Variants in LRRIQ3 observed in about 807,000 individuals in gnomAD.
LRRIQ3 encodes the protein leucine-rich repeat and IQ domain-containing protein 3.
In LRRIQ3, 75 loss-of-function variants were observed where a neutral mutation model predicts 59.3. That is an observed-to-expected ratio of 1.26 (90% CI 1.05 to 1.53). The LOEUF (loss-of-function observed/expected upper bound fraction) is 1.53. Among genes scored for constraint, LRRIQ3 ranks in the 40% most tolerant of loss-of-function variants. The probability of loss-of-function intolerance (pLI) is 0.00; values close to 1 mark genes in which losing one functional copy is unlikely to be tolerated. For missense variants in LRRIQ3, 831 were observed against 710.0 expected (o/e 1.17, Z -1.94); for synonymous variants, 250 against 231.3 (o/e 1.08, Z -0.73).
chr1:74,049,687 T>C (rs1192633423), intron 6 of LRRIQ3, among the ~76,000 whole-genome samples: 1 of 152,176 alleles, frequency 6.6e-6, no homozygotes, highest in Non-Finnish European at 1.5e-5. Context: ...TATTACTGTT[T>C]TGCAGTTCAT....
intron 4 of LRRIQ3, among the ~76,000 whole-genome samples, chr1:74,111,149 G>A (rs1289356393): frequency 1.3e-5 from 2 of 151,772 alleles, no homozygotes; most frequent in African/African-American, 4.8e-5. Flanking sequence ...AGAAAAGAAT[G>A]GATGTTAAAG....
intron 5 of LRRIQ3, among the ~76,000 whole-genome samples, chr1:74,102,497 T>C (rs947202285): frequency 6.6e-6 from 1 of 152,010 alleles, no homozygotes; most frequent in Non-Finnish European, 1.5e-5. Flanking sequence ...TATGAAAAAG[T>C]TGAAACTCCT....
chr1:74,148,621 C>T (rs987129843), intron 4 of LRRIQ3, among the ~76,000 whole-genome samples: 2 of 152,202 alleles, frequency 1.3e-5, no homozygotes, highest in African/African-American at 4.8e-5. Flanking sequence ...GAGGAACCTT[C>T]ACTTGTTCAG....
chr1:74,182,001 A>T (rs753055473), intron 3 of LRRIQ3: 1 of 151,810 alleles, frequency 6.6e-6, no homozygotes, highest in Non-Finnish European at 1.5e-5. Flanking sequence ...TCTAATATTT[A>T]TTCATGTGTT....
intron 6 of LRRIQ3, among the ~76,000 whole-genome samples, chr1:74,055,180 TTATATATATATATA>T (rs57279520): frequency 1.4e-4 from 19 of 139,962 alleles, no homozygotes; most frequent in Admixed American, 2.9e-4. Context: ...CATATACACT[TTATATATATATATA>T]TATATATATA....
chr1:74,073,348 C>CA, intron 6 of LRRIQ3, among the ~76,000 whole-genome samples: 2 of 152,048 alleles, frequency 1.3e-5, no homozygotes, highest in Admixed American at 1.3e-4. Context: ...TCCATCTCTA[C>CA]AAAAAATCCA....
intron 6 of LRRIQ3, among the ~76,000 whole-genome samples, chr1:74,052,526 A>G (rs1312207992): frequency 8.6e-6 from 1 of 116,154 alleles, no homozygotes; most frequent in Non-Finnish European, 1.7e-5. Context: ...ATCAGCTCTC[A>G]ATTTCATTTT....
intron 3 of LRRIQ3, among the ~76,000 whole-genome samples, chr1:74,174,041 G>A (rs1378061706): frequency 6.6e-6 from 1 of 151,988 alleles, no homozygotes; most frequent in South Asian, 2.1e-4. Flanking sequence ...GGCTGCCTAA[G>A]TATAGGTATC....
chr1:74,114,009 T>C (rs748632771), intron 4 of LRRIQ3, among the ~76,000 whole-genome samples: 1 of 151,660 alleles, frequency 6.6e-6, no homozygotes, highest in Non-Finnish European at 1.5e-5. Flanking sequence ...AATTGTATCA[T>C]TTTATGTGTA....
intron 4 of LRRIQ3, among the ~76,000 whole-genome samples, chr1:74,147,323 T>C (rs1647639713): frequency 1.3e-5 from 2 of 152,156 alleles, no homozygotes. Flanking sequence ...AAGAACATTC[T>C]AAAAAAACTC....
chr1:74,132,009 G>C (rs1647029528), intron 4 of LRRIQ3, among the ~76,000 whole-genome samples: 1 of 152,122 alleles, frequency 6.6e-6, no homozygotes, highest in South Asian at 2.1e-4. Context: ...TCCTTAAGCT[G>C]ATAAGCAACT....
chr1:74,130,214 A>G (rs1362836359), intron 4 of LRRIQ3, among the ~76,000 whole-genome samples: 3 of 152,048 alleles, frequency 2.0e-5, no homozygotes, highest in African/African-American at 4.8e-5. Flanking sequence ...TTTCAAGTTA[A>G]TGTAGGCCTC....
At chr1:74,118,234 A>G (rs1646803798) in intron 4 of LRRIQ3, among the ~76,000 whole-genome samples, 1 of 152,150 alleles carries the variant, frequency 6.6e-6, no homozygotes, top group Middle Eastern at 3.2e-3. Context: ...AGACCATTGC[A>G]CAGGCACCTA....
rs1650073835 is a variant in LRRIQ3, at chr1:74,182,802, A to G, written c.309T>C (p.Tyr103=). ...ACTTTGCAAACCCATTGTCATGAAGATAGAGTAGTTTTAGGTTCTTCAATC... is the reference window on the plus strand; with the variant it reads ...ACTTTGCAAACCCATTGTCATGAAGGTAGAGTAGTTTTAGGTTCTTCAATC... ...WNGLKNLKLL[Y]LHDNGFAKLK... Residue 103 remains tyrosine (Y), a synonymous_variant, in exon 3 of 8, where the codon TAT becomes TAC. Transcript: ENST00000354431. 1 of 1,607,506 alleles carries G rather than the reference A, an allele frequency of 6.2e-7. No homozygotes were observed. The highest frequency in any genetic ancestry group is 1.7e-5 in the Admixed American group (1 of 59,374).
chr1:74,100,122 T>C (rs1298732935), intron 5 of LRRIQ3, among the ~76,000 whole-genome samples: 4 of 152,296 alleles, frequency 2.6e-5, no homozygotes, highest in African/African-American at 9.6e-5. Context: ...AAATTGTCCC[T>C]GTCTGCAGAT....
chr1:74,156,732 T>C (rs1232491102), intron 3 of LRRIQ3, among the ~76,000 whole-genome samples: 3 of 152,150 alleles, frequency 2.0e-5, no homozygotes, highest in Admixed American at 6.6e-5. Flanking sequence ...GACACTTTTA[T>C]TGGAACACAG....
At chr1:74,040,753 C>T (rs1474002806) in intron 7 of LRRIQ3, among the ~76,000 whole-genome samples, 1 of 152,180 alleles carries the variant, frequency 6.6e-6, no homozygotes, top group Admixed American at 6.5e-5. Context: ...AGAACAAAGA[C>T]ACAACATACC....
intron 4 of LRRIQ3, among the ~76,000 whole-genome samples, chr1:74,131,310 G>A (rs1284068281): frequency 2.6e-5 from 4 of 152,060 alleles, no homozygotes; most frequent in African/African-American, 9.7e-5. Flanking sequence ...GGAGGAGCTG[G>A]TACCATTCCT....
intron 7 of LRRIQ3, among the ~76,000 whole-genome samples, chr1:74,032,876 T>A (rs573307419): frequency 6.6e-6 from 1 of 152,046 alleles, no homozygotes; most frequent in South Asian, 2.1e-4. Context: ...GGAGAGTTTA[T>A]TAGCTTTTTA....
Sources: allele counts gnomAD v4.1 joint callset (sites outside exome capture counted in the v4.1 genomes callset), GRCh38; gene constraint gnomAD v4.1.1; transcripts MANE v1.5; gene names NCBI Gene and HGNC (gene_info 2026-07-23, HGNC 2026-07-21).